The following ZNF555 variants were observed in gnomAD, a reference collection of about 807,000 sequenced individuals.
ZNF555 encodes the protein zinc finger protein 555.
A neutral mutation model predicts 14.0 loss-of-function variants in ZNF555; 10 were observed. The ratio of observed to expected loss-of-function variants is 0.72; its 90% CI spans 0.44 to 1.21. The LOEUF (loss-of-function observed/expected upper bound fraction) is 1.21, where lower values mean the gene tolerates loss of function less well. Among genes scored for constraint, ZNF555 ranks in the 50% most tolerant of loss-of-function variants. The probability of loss-of-function intolerance (pLI) is 0.00; values close to 1 mark genes in which losing one functional copy is unlikely to be tolerated. For missense variants in ZNF555, 747 were observed against 762.0 expected (o/e 0.98, Z 0.23); for synonymous variants, 277 against 262.4 (o/e 1.06, Z -0.54).
In ZNF555 at chr19:2,853,719, C is replaced by T. The variant is rs1311166478; in HGVS notation, c.1654C>T (p.Pro552Ser). 6.3e-7 allele frequency: 1 copy of T among 1,583,336 alleles called. No homozygotes were observed. The highest frequency in any genetic ancestry group is 1.3e-5 in the African/African-American group (1 of 74,222). ...GKVFKWPSSL[P>S]IHMRLHTGEK... ...GGTCTTCAAATGGCCATCATCTTTA[C>T]CAATACATATGAGACTGCACACTGG... The change falls in exon 4 of 4, where the codon CCA becomes TCA. Residue 552 changes from proline (P) to serine (S), a missense_variant. By Grantham distance (74) the Pro-to-Ser change is moderately conservative (BLOSUM62 -1). Transcript: ENST00000334241.
At chr19:2,851,390 T>G in intron 2 of ZNF555, 78 bp from the exon 3 acceptor site, 33 of 1,208,368 alleles carry the variant, frequency 2.7e-5, no homozygotes, top group Non-Finnish European at 3.6e-5. Flanking sequence ...AATGAAGTCC[T>G]GAGATAGCTA....
chr19:2,851,038 G>A (rs1038162047), intron 2 of ZNF555, among the ~76,000 whole-genome samples: 11 of 142,876 alleles, frequency 7.7e-5, no homozygotes, highest in East Asian at 2.0e-4. Context: ...TCACTCTGTC[G>A]CCCAGGCTGG....
At chr19:2,845,288 G>T (rs1230891481) in intron 1 of ZNF555, among the ~76,000 whole-genome samples, 1 of 152,224 alleles carries the variant, frequency 6.6e-6, no homozygotes. Flanking sequence ...TGCTGCAAAG[G>T]ACATGATTTC....
Position 2,852,904 on chromosome 19 carries a change from G to T in ZNF555, c.839G>T (p.Gly280Val), listed in dbSNP as rs1316265445. 1.9e-6 allele frequency: 3 copies of T among 1,614,168 alleles called. No individual in the cohort carries two copies. In the East Asian group the frequency reaches 6.7e-5, roughly 36 times the overall value. Residue 280 changes from glycine (G) to valine (V), a missense_variant, in exon 4 of 4, where the codon GGC (glycine) becomes GTC (valine). Coordinates refer to ENST00000334241, the MANE Select transcript of ZNF555 (RefSeq NM_152791.5). Reference protein sequence around the residue: ...TFRRHTITHTGEKPYKCKECA... With the variant: ...TFRRHTITHTVEKPYKCKECA... ...CGAAGACACACAATAACACACACTGGCGAGAAGCCATATAAATGTAAGGAA... is the reference window on the plus strand; with the variant it reads ...CGAAGACACACAATAACACACACTGTCGAGAAGCCATATAAATGTAAGGAA...
At position 2,856,056 on chromosome 19, in the gene ZNF555, G is replaced by A. The variant is rs941846892; in HGVS notation, c.*2104G>A. 4 of 151,894 alleles carry A rather than the reference G, an allele frequency of 2.6e-5. No individual in the cohort carries two copies. The highest frequency in any genetic ancestry group is 2.4e-5 in the African/African-American group (1 of 41,348). The allele number at this position is 151,894 out of a possible 1,614,324, so 9.4% of individuals were successfully genotyped here. ...TAAGAAATGTTATTTTTTGTTTACCGAGAGAATTACAGATTTCAAATCAAC... is the reference window on the plus strand; with the variant it reads ...TAAGAAATGTTATTTTTTGTTTACCAAGAGAATTACAGATTTCAAATCAAC... On this transcript the variant is annotated 3_prime_UTR_variant, in exon 4 of 4. Transcript: ENST00000334241.
At chr19:2,843,938 G>A (rs1456102539) in intron 1 of ZNF555, among the ~76,000 whole-genome samples, 1 of 151,968 alleles carries the variant, frequency 6.6e-6, no homozygotes, top group African/African-American at 2.4e-5. Flanking sequence ...GTGCTGTCTC[G>A]GCTCATTGCA....
Position 2,853,990 on chromosome 19 carries a change from C to A in ZNF555, c.*38C>A. On this transcript the variant is annotated 3_prime_UTR_variant, in exon 4 of 4. Transcript: ENST00000334241. Reference sequence around the variant, plus strand: ...GAAAGTGGACACTCAAGGAGTGTGTCTGTAGTTCATTTGCAAATAAACATT... The same window carrying A: ...GAAAGTGGACACTCAAGGAGTGTGTATGTAGTTCATTTGCAAATAAACATT... The A allele has an allele frequency of 6.2e-7, 1 of 1,600,182 alleles. No homozygotes were observed. The highest frequency in any genetic ancestry group is 1.1e-5 in the South Asian group (1 of 88,944).
At chr19:2,851,172 A>G (rs1224237319) in intron 2 of ZNF555, among the ~76,000 whole-genome samples, 1 of 151,594 alleles carries the variant, frequency 6.6e-6, no homozygotes, top group Non-Finnish European at 1.5e-5. Context: ...CAATTTTTGT[A>G]TTTTTAGTAG....
intron 1 of ZNF555, chr19:2,847,321 G>A (rs886106323): frequency 1.3e-5 from 2 of 152,160 alleles, no homozygotes; most frequent in Non-Finnish European, 2.9e-5. Context: ...GTCTTCATGT[G>A]ACATTTTCCT....
At chr19:2,849,541 G>A (rs2144850651) in intron 1 of ZNF555, among the ~76,000 whole-genome samples, 1 of 148,448 alleles carries the variant, frequency 6.7e-6, no homozygotes, top group East Asian at 2.0e-4. Context: ...CTGGAGTGCA[G>A]TGGCATGATC....
Position 2,853,096 on chromosome 19 carries a change from A to G in ZNF555, c.1031A>G (p.Gln344Arg). 1 of 1,614,168 alleles carries G rather than the reference A, an allele frequency of 6.2e-7. No individual in the cohort carries two copies. Among genetic ancestry groups the G allele is most frequent in the East Asian group, 2.2e-5 (1 of 44,884 alleles). ...GGAGAGAAACCCTACGAATGCAAAC[A>G]ATGTGGGAAAACCTTCATTTATCTC... Reference protein sequence around the residue: ...HTGEKPYECKQCGKTFIYLQS... With the variant: ...HTGEKPYECKRCGKTFIYLQS... Residue 344 changes from glutamine to arginine, a missense_variant, in exon 4 of 4, where the codon CAA (glutamine) becomes CGA (arginine). Gln to Arg is a conservative substitution (Grantham distance 43). Coordinates refer to ENST00000334241, the MANE Select transcript of ZNF555 (RefSeq NM_152791.5).
chr19:2,851,744 C>G (rs2087632265), intron 3 of ZNF555, 93 bp downstream of exon 3: 3 of 1,149,298 alleles, frequency 2.6e-6, no homozygotes, highest in Non-Finnish European at 3.5e-6. Flanking sequence ...AAAACTCATC[C>G]AAGCCTAGCT....
chr19:2,848,005 C>T (rs1368253665), intron 1 of ZNF555, among the ~76,000 whole-genome samples: 1 of 152,152 alleles, frequency 6.6e-6, no homozygotes, highest in African/African-American at 2.4e-5. Flanking sequence ...AAGTTGTGCT[C>T]CAGCCTTGGT....
intron 1 of ZNF555, among the ~76,000 whole-genome samples, chr19:2,849,411 A>G (rs577109986): frequency 2.0e-5 from 3 of 152,024 alleles, no homozygotes; most frequent in Non-Finnish European, 2.9e-5. Context: ...TTCGTAGTCA[A>G]ATGGTTTGGA....
At position 2,856,268 on chromosome 19, in the gene ZNF555, G is replaced by A. The variant is rs1302615875; in HGVS notation, c.*2316G>A. The stretch of plus-strand genomic sequence containing the variant: ...CACCCAGGCTGGAGTGCAGTGGCAC[G>A]ACCTTAGCTCACTGCAACCTTCATC... On this transcript the variant is annotated 3_prime_UTR_variant, in exon 4 of 4. Coordinates refer to ENST00000334241, the MANE Select transcript of ZNF555 (RefSeq NM_152791.5). 2 of 151,008 alleles carry A rather than the reference G, an allele frequency of 1.3e-5. No individual in the cohort carries two copies. Among genetic ancestry groups the A allele is most frequent in the Admixed American group, 6.6e-5 (1 of 15,124 alleles). The allele number at this position is 151,008 out of a possible 1,614,324, so 9.4% of individuals were successfully genotyped here.
chr19:2,847,151 A>G (rs2144847306), intron 1 of ZNF555: 1 of 152,320 alleles, frequency 6.6e-6, no homozygotes, highest in East Asian at 1.9e-4. Context: ...TAAAGTGACA[A>G]ATATTTTACC....
In ZNF555 at chr19:2,854,059, G is replaced by T. The variant is rs2087663823; in HGVS notation, c.*107G>T. 11 of 1,361,550 alleles carry T rather than the reference G, an allele frequency of 8.1e-6. No individual in the cohort carries two copies. The highest frequency in any genetic ancestry group is 1.1e-5 in the Non-Finnish European group (11 of 1,002,304). The allele number at this position is 1,361,550 out of a possible 1,614,324, so 84.3% of individuals were successfully genotyped here. ...CCAAATACTCTCAGCTATCCTACAT[G>T]AATTTGAACAGGTAGTTTCTTACGA... On this transcript the variant is annotated 3_prime_UTR_variant, in exon 4 of 4. Transcript: ENST00000334241.
intron 1 of ZNF555, among the ~76,000 whole-genome samples, chr19:2,845,273 C>T (rs4807345): frequency 0.68 from 102,760 of 152,130 alleles, 35,914 homozygotes; most frequent in East Asian, 1. Context: ...CAGCTGCATC[C>T]ATGTTGCTGC....
chr19:2,849,075 T>A (rs1351115050), intron 1 of ZNF555, among the ~76,000 whole-genome samples: 2 of 152,220 alleles, frequency 1.3e-5, no homozygotes, highest in Non-Finnish European at 2.9e-5. Flanking sequence ...GAGCTCATAT[T>A]GTCCCCTGTG....
Sources: gnomAD v4.1 joint callset for allele counts (sites outside exome capture counted in the v4.1 genomes callset) on GRCh38, gnomAD v4.1.1 for gene constraint, MANE v1.5 for transcripts, NCBI Gene and HGNC (gene_info 2026-07-23, HGNC 2026-07-21) for gene names.